The following CSMD1 variants were observed in gnomAD, a reference collection of about 807,000 sequenced individuals.
CSMD1 encodes the protein CUB and Sushi multiple domains 1.
A neutral mutation model predicts 417.5 loss-of-function variants in CSMD1; 213 were observed. That is an observed-to-expected ratio of 0.51 (90% CI 0.46 to 0.57). The LOEUF (loss-of-function observed/expected upper bound fraction) is 0.57. CSMD1 is among the 20% of genes least tolerant of loss of function. The pLI is 0.00. For missense variants in CSMD1, 6,923 were observed against 4,529.7 expected (o/e 1.53, Z -15.17); for synonymous variants, 2,862 against 1,736.8 (o/e 1.65, Z -16.11).
intron 7 of CSMD1, among the ~76,000 whole-genome samples, chr8:3,642,650 G>A (rs940005335): frequency 6.6e-6 from 1 of 152,118 alleles, no homozygotes; most frequent in African/African-American, 2.4e-5. Context: ...ACGGACGGTC[G>A]ATGGAGAGAT....
At chr8:3,049,721 C>A (rs951171495) in intron 50 of CSMD1, among the ~76,000 whole-genome samples, 1 of 152,084 alleles carries the variant, frequency 6.6e-6, no homozygotes, top group Non-Finnish European at 1.5e-5. Flanking sequence ...TCCAAGCCCA[C>A]AGATGGTGCA....
At chr8:3,868,872 C>A (rs1052966330) in intron 5 of CSMD1, among the ~76,000 whole-genome samples, 2 of 152,170 alleles carry the variant, frequency 1.3e-5, no homozygotes, top group South Asian at 2.1e-4. Flanking sequence ...CTGTTACCAT[C>A]GTCTTCTAAT....
rs376363694 is a variant in CSMD1 at position 4,119,097 on chromosome 8, G to A, written c.416-86998C>T. ...CACACACAGGGACCTGTCAGTGGGTGGGGACAAGAGAAGGGAGATCATTAG... is the reference window on the plus strand; with the variant it reads ...CACACACAGGGACCTGTCAGTGGGTAGGGACAAGAGAAGGGAGATCATTAG... On this transcript the variant is annotated intron_variant, in intron 3 of 69. Transcript: ENST00000635120. Among the ~76,000 whole-genome samples, 34 of 152,144 alleles carry A rather than the reference G, an allele frequency of 2.2e-4. No individual in the cohort carries two copies. In the South Asian group the frequency reaches 6.7e-3, roughly 30 times the overall value.
At chr8:3,770,870 T>C (rs1223839091) in intron 5 of CSMD1, among the ~76,000 whole-genome samples, 2 of 152,226 alleles carry the variant, frequency 1.3e-5, no homozygotes, top group African/African-American at 4.8e-5. Context: ...CTGTAGCTCA[T>C]ATTTTTTAGT....
intron 2 of CSMD1, among the ~76,000 whole-genome samples, chr8:4,518,527 A>G (rs1803247430): frequency 6.6e-6 from 1 of 150,416 alleles, no homozygotes; most frequent in Non-Finnish European, 1.5e-5. Flanking sequence ...CAAAAAACCA[A>G]ACACCGCGTG....
At chr8:3,387,214 A>G (rs1330431054) in intron 18 of CSMD1, among the ~76,000 whole-genome samples, 1 of 152,222 alleles carries the variant, frequency 6.6e-6, no homozygotes, top group Non-Finnish European at 1.5e-5. Context: ...GCCAGTTTCA[A>G]TAAATACCAT....
At chr8:3,380,148 T>C (rs998183896) in intron 18 of CSMD1, among the ~76,000 whole-genome samples, 48 of 152,192 alleles carry the variant, frequency 3.2e-4, no homozygotes, top group African/African-American at 1.1e-3. Flanking sequence ...AAGCTCATCA[T>C]CACTGGTCAT....
intron 3 of CSMD1, among the ~76,000 whole-genome samples, chr8:4,157,734 T>C (rs559334207): frequency 6.6e-6 from 1 of 152,324 alleles, no homozygotes. Flanking sequence ...GCCGTCCTTT[T>C]CCTAGGAGTC....
chr8:3,613,901 A>G (rs35356832), intron 8 of CSMD1, among the ~76,000 whole-genome samples: 49,871 of 152,050 alleles, frequency 0.33, 9,102 homozygotes, highest in Middle Eastern at 0.47. Flanking sequence ...ATCTTGTAAA[A>G]TAGTTTCTTA....
chr8:3,467,366 A>G (rs1816844080), intron 12 of CSMD1, among the ~76,000 whole-genome samples: 1 of 152,212 alleles, frequency 6.6e-6, no homozygotes, highest in Non-Finnish European at 1.5e-5. Context: ...CAAAGGCAGC[A>G]GCAAATGCAG....
At chr8:4,687,248 A>T (rs1806451650) in intron 1 of CSMD1, among the ~76,000 whole-genome samples, 1 of 152,198 alleles carries the variant, frequency 6.6e-6, no homozygotes, top group Non-Finnish European at 1.5e-5. Flanking sequence ...TAGCCACAGG[A>T]TGCTGGCACT....
chr8:4,842,524 T>C (rs966464807), intron 1 of CSMD1, among the ~76,000 whole-genome samples: 1 of 152,174 alleles, frequency 6.6e-6, no homozygotes, highest in Non-Finnish European at 1.5e-5. Context: ...ATGTAGCAAG[T>C]GTTCACTTAC....
intron 4 of CSMD1, among the ~76,000 whole-genome samples, chr8:4,002,422 G>C (rs1449579629): frequency 1.3e-5 from 2 of 152,166 alleles, no homozygotes; most frequent in Non-Finnish European, 2.9e-5. Context: ...TAATATGTTT[G>C]ATGAGCAAAA....
At chr8:3,959,958 G>C (rs1334990308) in intron 5 of CSMD1, among the ~76,000 whole-genome samples, 1 of 152,168 alleles carries the variant, frequency 6.6e-6, no homozygotes, top group Non-Finnish European at 1.5e-5. Flanking sequence ...TGTGGTACTT[G>C]AACATTTACG....
chr8:4,028,123 T>G (rs1349737375), intron 4 of CSMD1, among the ~76,000 whole-genome samples: 1 of 152,002 alleles, frequency 6.6e-6, no homozygotes, highest in African/African-American at 2.4e-5. Context: ...ATAATAAACT[T>G]CAGGAACATG....
At position 3,279,087 on chromosome 8, in the gene CSMD1, C is replaced by G. The variant is rs137981408; in HGVS notation, c.4153+5057G>C. 9.8e-5 allele frequency: 15 copies of G among 152,362 alleles called. No individual in the cohort carries two copies. The East Asian group carries it at 2.7e-3, about 27-fold the overall frequency. 9.4% of individuals were successfully genotyped at this position (152,362 alleles called of 1,614,324 possible). A position where few individuals can be genotyped will look rare whatever the true frequency, so the allele number is the denominator to read the frequency against. ...CTCACTGGTTCCCAGAAGTGGCAAG[C>G]TACATTTTGTGGAGAGTAGCTGAAT... is the stretch of plus-strand genomic sequence containing the variant. On this transcript the variant is annotated intron_variant, in intron 26 of 69. Coordinates refer to ENST00000635120, the MANE Select transcript of CSMD1 (RefSeq NM_033225.6).
At chr8:3,611,582 A>C (rs930093767) in intron 8 of CSMD1, among the ~76,000 whole-genome samples, 1 of 152,340 alleles carries the variant, frequency 6.6e-6, no homozygotes, top group Non-Finnish European at 1.5e-5. Flanking sequence ...TTTCATTAGT[A>C]ATAAAATTGT....
chr8:4,806,687 C>T (rs1387901848), intron 1 of CSMD1, among the ~76,000 whole-genome samples: 2 of 152,152 alleles, frequency 1.3e-5, no homozygotes, highest in African/African-American at 4.8e-5. Flanking sequence ...GGTCGCAGTG[C>T]CTGTGAGTTT....
At chr8:4,306,196 G>A (rs1377394765) in intron 3 of CSMD1, among the ~76,000 whole-genome samples, 3 of 152,162 alleles carry the variant, frequency 2.0e-5, no homozygotes, top group Non-Finnish European at 2.9e-5. Context: ...GCATTAAAAC[G>A]CTAGTGTGCT....
Sources: gnomAD v4.1 joint callset for allele counts (sites outside exome capture counted in the v4.1 genomes callset) on GRCh38, gnomAD v4.1.1 for gene constraint, MANE v1.5 for transcripts, NCBI Gene and HGNC (gene_info 2026-07-23, HGNC 2026-07-21) for gene names.